TENM2: variants seen among roughly 807,000 people sequenced by gnomAD.
The protein encoded by TENM2 is teneurin transmembrane protein 2.
Under a neutral mutation model 245.2 loss-of-function variants are expected in TENM2, and 52 were observed. The observed-to-expected ratio is 0.21, with a 90% CI of 0.17 to 0.27. The LOEUF (loss-of-function observed/expected upper bound fraction) is 0.27, where lower values mean the gene tolerates loss of function less well. Among genes scored for constraint, TENM2 ranks in the 10% least tolerant of loss-of-function variants. TENM2 has a pLI of 1.00. For missense variants in TENM2, 3,046 were observed against 3,666.8 expected (o/e 0.83, Z 4.37); for synonymous variants, 1,363 against 1,438.9 (o/e 0.95, Z 1.19).
chr5:168,042,805 A>T (rs1862418), intron 5 of TENM2, among the ~76,000 whole-genome samples: 49,751 of 152,040 alleles, frequency 0.33, 9,814 homozygotes, highest in African/African-American at 0.54. Context: ...CAGAATGCCA[A>T]GAAAGTTTTC....
At chr5:167,685,270 C>T (rs1337170420) in intron 2 of TENM2, among the ~76,000 whole-genome samples, 6 of 152,196 alleles carry the variant, frequency 3.9e-5, no homozygotes, top group Non-Finnish European at 8.8e-5. Flanking sequence ...GTTATCTCTT[C>T]CTTTTATTTT....
At chr5:167,003,699 G>T in the TENM2 span, among the ~76,000 whole-genome samples, 1 of 152,114 alleles carries the variant, frequency 6.6e-6, no homozygotes, top group East Asian at 1.9e-4. Flanking sequence ...TAATTACAGG[G>T]AAAGACAGTT....
At chr5:167,168,710 T>C in the TENM2 span, among the ~76,000 whole-genome samples, 3 of 152,210 alleles carry the variant, frequency 2.0e-5, no homozygotes, top group African/African-American at 7.2e-5. Context: ...CCTGAGTGTG[T>C]AATACATGTT....
chr5:167,637,839 C>T (rs1779302146), intron 2 of TENM2, among the ~76,000 whole-genome samples: 1 of 151,930 alleles, frequency 6.6e-6, no homozygotes, highest in African/African-American at 2.4e-5. Flanking sequence ...GGAGGGAAAG[C>T]ATTAGGACAA....
chr5:167,983,913 C>T (rs1456389851), intron 4 of TENM2, among the ~76,000 whole-genome samples: 4 of 152,320 alleles, frequency 2.6e-5, no homozygotes, highest in East Asian at 3.9e-4. Flanking sequence ...GCACTATGCT[C>T]GGTCAAGGAG....
chr5:167,320,026 A>G (rs73363425), intron 1 of TENM2, among the ~76,000 whole-genome samples: 3,955 of 152,328 alleles, frequency 0.026, 161 homozygotes, highest in African/African-American at 0.09. Flanking sequence ...TTCAGGCCAC[A>G]GGCTAAGAAC....
At chr5:167,916,638 A>G (rs1453282732) in intron 3 of TENM2, among the ~76,000 whole-genome samples, 11 of 152,062 alleles carry the variant, frequency 7.2e-5, no homozygotes, top group Non-Finnish European at 1.5e-4. Flanking sequence ...CGAGAAGCGC[A>G]TCTCCAGGAG....
chr5:167,929,247 C>T (rs1778099150), intron 3 of TENM2, among the ~76,000 whole-genome samples: 1 of 128,090 alleles, frequency 7.8e-6, no homozygotes, highest in Non-Finnish European at 1.6e-5. Context: ...GGCAGGCAGG[C>T]AGGAAGAAAG....
chr5:167,858,107 A>G (rs1332407220), intron 2 of TENM2, among the ~76,000 whole-genome samples: 1 of 152,238 alleles, frequency 6.6e-6, no homozygotes. Context: ...ATCAACTAGA[A>G]AGCAGTTCTA....
the TENM2 span, among the ~76,000 whole-genome samples, chr5:167,007,210 A>C: frequency 2.0e-5 from 3 of 152,236 alleles, no homozygotes; most frequent in African/African-American, 7.2e-5. This position sits in a 1 kb window ranked among gnomAD's most constrained non-coding sequence, Gnocchi z 4.2. Flanking sequence ...TTATTCCCCC[A>C]TTGCCTAGAA....
intron 2 of TENM2, among the ~76,000 whole-genome samples, chr5:167,601,415 A>G (rs1776625816): frequency 2.0e-5 from 3 of 152,242 alleles, no homozygotes; most frequent in African/African-American, 7.2e-5. Context: ...ATATGGGACA[A>G]TGCTGGTCTA....
intron 3 of TENM2, among the ~76,000 whole-genome samples, chr5:167,929,303 C>T (rs1215854292): frequency 6.6e-6 from 1 of 152,010 alleles, no homozygotes. Flanking sequence ...GATTCCTAGA[C>T]TGTTTAAAGA....
chr5:167,502,023 A>G (rs77699170), intron 2 of TENM2, among the ~76,000 whole-genome samples: 1 of 151,954 alleles, frequency 6.6e-6, no homozygotes, highest in African/African-American at 2.4e-5. Flanking sequence ...AAAAAAAAAA[A>G]GGTACTAGGT....
intron 4 of TENM2, among the ~76,000 whole-genome samples, chr5:167,978,562 C>A (rs185541886): frequency 6.6e-6 from 1 of 152,056 alleles, no homozygotes; most frequent in African/African-American, 2.4e-5. Context: ...CTGACATATC[C>A]AGAATAGGCA....
chr5:167,887,138 C>T (rs951315359), intron 3 of TENM2, among the ~76,000 whole-genome samples: 1 of 152,242 alleles, frequency 6.6e-6, no homozygotes, highest in Non-Finnish European at 1.5e-5. Context: ...CCAACTAGAA[C>T]TTCCCTTTTT....
At chr5:167,096,831 A>G in the TENM2 span, among the ~76,000 whole-genome samples, 1 of 152,212 alleles carries the variant, frequency 6.6e-6, no homozygotes, top group Non-Finnish European at 1.5e-5. Flanking sequence ...TTCTATCTCA[A>G]TGCAGCCTTG....
chr5:167,869,663 G>T (rs1772642709), intron 2 of TENM2, among the ~76,000 whole-genome samples: 1 of 152,216 alleles, frequency 6.6e-6, no homozygotes. Context: ...GCACTAGCAG[G>T]CCTGGCTGCC....
At chr5:167,159,364 A>G in the TENM2 span, among the ~76,000 whole-genome samples, 1 of 152,190 alleles carries the variant, frequency 6.6e-6, no homozygotes, top group Non-Finnish European at 1.5e-5. Context: ...CTTTTAAAAA[A>G]GGCAAAGTTA....
At chr5:167,619,218 T>G (rs1370898681) in intron 2 of TENM2, among the ~76,000 whole-genome samples, 1 of 152,108 alleles carries the variant, frequency 6.6e-6, no homozygotes, top group Non-Finnish European at 1.5e-5. Flanking sequence ...ACTGTATAGG[T>G]CAATATTGTG....
Sources: gnomAD v4.1 joint callset for allele counts (sites outside exome capture counted in the v4.1 genomes callset) on GRCh38, gnomAD v4.1.1 for gene constraint, Gnocchi (gnomAD v3.1) non-coding constraint, MANE v1.5 for transcripts, NCBI Gene and HGNC (gene_info 2026-07-23, HGNC 2026-07-21) for gene names.